Variants in CLRN1 observed in about 807,000 individuals in gnomAD.
The protein encoded by CLRN1 is clarin-1.
In CLRN1, 15 loss-of-function variants were observed where a neutral mutation model predicts 18.7. The observed-to-expected ratio is 0.80, with a 90% confidence interval of 0.54 to 1.23. CLRN1 has a LOEUF of 1.23. Among genes scored for constraint, CLRN1 ranks in the 50% most tolerant of loss-of-function variants. The probability of loss-of-function intolerance (pLI) is 0.00; values close to 1 mark genes in which losing one functional copy is unlikely to be tolerated. For synonymous variants in CLRN1, 104 were observed against 102.9 expected (o/e 1.01, Z -0.07); for missense variants, 311 against 277.5 (o/e 1.12, Z -0.86).
chr3:150,933,304 T>G (rs994414142), intron 2 of CLRN1, among the ~76,000 whole-genome samples: 2 of 152,074 alleles, frequency 1.3e-5, no homozygotes, highest in African/African-American at 4.8e-5. Flanking sequence ...AATAACTTGA[T>G]AAGTACATTC....
At chr3:150,933,330 TG>T (rs1027099461) in intron 2 of CLRN1, among the ~76,000 whole-genome samples, 1 of 151,538 alleles carries the variant, frequency 6.6e-6, no homozygotes, top group African/African-American at 2.4e-5. Flanking sequence ...TTTATCAGAG[TG>T]TGATATATAT....
intron 1 of CLRN1, among the ~76,000 whole-genome samples, chr3:150,952,690 G>A (rs1385112284): frequency 1.3e-5 from 2 of 151,998 alleles, no homozygotes; most frequent in Non-Finnish European, 2.9e-5. Context: ...TTAAAAAGAT[G>A]GCTACTTCAT....
At chr3:150,928,321 C>CA in intron 2 of CLRN1, 120 bp from the exon 3 acceptor site, 1 of 1,258,142 alleles carries the variant, frequency 7.9e-7, no homozygotes, top group African/African-American at 1.5e-5. Flanking sequence ...ATTATCCACA[C>CA]AAAAAATTAT....
intron 1 of CLRN1, among the ~76,000 whole-genome samples, chr3:150,948,646 A>G (rs1026944175): frequency 1.3e-5 from 2 of 152,150 alleles, no homozygotes; most frequent in East Asian, 3.8e-4. Context: ...ACACCTTCCC[A>G]AGACTGGACC....
At chr3:150,934,361 C>T (rs376058443) in intron 2 of CLRN1, among the ~76,000 whole-genome samples, 19 of 152,268 alleles carry the variant, frequency 1.2e-4, no homozygotes, top group African/African-American at 3.4e-4. Context: ...TGGCATAACT[C>T]ATAGCAGACA....
At chr3:150,957,302 C>T (rs907204059) in intron 1 of CLRN1, among the ~76,000 whole-genome samples, 1 of 151,750 alleles carries the variant, frequency 6.6e-6, no homozygotes, top group Non-Finnish European at 1.5e-5. Flanking sequence ...CCTTAGGGAT[C>T]CTGTGGCTAT....
chr3:150,929,519 A>G (rs979215209), intron 2 of CLRN1, among the ~76,000 whole-genome samples: 7 of 152,220 alleles, frequency 4.6e-5, no homozygotes, highest in African/African-American at 1.7e-4. Context: ...TTTACTTACT[A>G]TGTAAAAGTA....
At chr3:150,949,586 C>T (rs1033499709) in intron 1 of CLRN1, among the ~76,000 whole-genome samples, 3 of 152,102 alleles carry the variant, frequency 2.0e-5, no homozygotes, top group African/African-American at 7.2e-5. Flanking sequence ...AAAAGCAATC[C>T]CATTCACAAT....
At chr3:150,942,750 T>C (rs1713929847) in intron 1 of CLRN1, 1 of 288,672 alleles carries the variant, frequency 3.5e-6, no homozygotes, top group African/African-American at 2.4e-5. Context: ...ATGTGTCACT[T>C]CTCATTTAAG....
chr3:150,934,066 AC>A (rs2107937171), intron 2 of CLRN1, among the ~76,000 whole-genome samples: 1 of 152,264 alleles, frequency 6.6e-6, no homozygotes, highest in East Asian at 1.9e-4. Flanking sequence ...CTCCTGAAAA[AC>A]AGCTCCTTCA....
intron 2 of CLRN1, chr3:150,940,406 G>A: frequency 1.5e-6 from 2 of 1,348,440 alleles, no homozygotes; most frequent in Non-Finnish European, 2.0e-6. Context: ...TTTATAGAGA[G>A]AGAGATCTAT....
chr3:150,932,588 A>C (rs190689473), intron 2 of CLRN1, among the ~76,000 whole-genome samples: 6 of 152,348 alleles, frequency 3.9e-5, no homozygotes, highest in Non-Finnish European at 8.8e-5. Context: ...TAGAATGATA[A>C]ATTGATAATT....
intron 1 of CLRN1, among the ~76,000 whole-genome samples, chr3:150,971,756 T>C (rs78251744): frequency 0.065 from 9,905 of 152,264 alleles, 565 homozygotes; most frequent in East Asian, 0.15. Flanking sequence ...AAAAATTCTC[T>C]TCTTAAGATA....
Position 150,927,512 on chromosome 3 carries a change from G to A in CLRN1, c.*424C>T, listed in dbSNP as rs1249705925. ...TAATACACTACTGTTTTAGGAAAGC[G>A]ATTGCAGCTCAGTTTTCTGAAATCT... On this transcript the variant is annotated 3_prime_UTR_variant, in exon 3 of 3. Transcript: ENST00000327047. The A allele has an allele frequency of 2.2e-6, 1 of 454,656 alleles. No individual in the cohort carries two copies. Among genetic ancestry groups the A allele is most frequent in the East Asian group, 6.9e-5 (1 of 14,398 alleles). 28.2% of individuals were successfully genotyped at this position (454,656 alleles called of 1,614,324 possible).
chr3:150,956,992 A>G (rs1412355244), intron 1 of CLRN1, among the ~76,000 whole-genome samples: 2 of 141,160 alleles, frequency 1.4e-5, no homozygotes, highest in African/African-American at 2.6e-5. Context: ...AACTTGACAG[A>G]ACTCCATTGC....
intron 1 of CLRN1, chr3:150,943,863 C>A (rs376067383): frequency 2.4e-5 from 39 of 1,614,080 alleles, no homozygotes; most frequent in Non-Finnish European, 3.3e-5. Context: ...CTCCTCACAG[C>A]ACTAAAGCAG....
intron 1 of CLRN1, among the ~76,000 whole-genome samples, chr3:150,961,082 C>A (rs1398099904): frequency 1.3e-5 from 2 of 152,212 alleles, no homozygotes; most frequent in South Asian, 2.1e-4. Flanking sequence ...AAGCATAAGA[C>A]CTTCATGAAA....
intron 1 of CLRN1, among the ~76,000 whole-genome samples, chr3:150,953,217 T>G (rs534813245): frequency 6.6e-6 from 1 of 152,344 alleles, no homozygotes; most frequent in South Asian, 2.1e-4. Flanking sequence ...AGCAAGTCAC[T>G]TCTGGTCTCC....
intron 1 of CLRN1, among the ~76,000 whole-genome samples, chr3:150,954,199 T>C (rs941591909): frequency 2.6e-5 from 4 of 152,200 alleles, no homozygotes; most frequent in African/African-American, 9.6e-5. Flanking sequence ...TGTGTAACTA[T>C]AAGAAGCTGC....
Sources: allele counts gnomAD v4.1 joint callset (sites outside exome capture counted in the v4.1 genomes callset), GRCh38; gene constraint gnomAD v4.1.1; transcripts MANE v1.5; gene names NCBI Gene and HGNC (gene_info 2026-07-23, HGNC 2026-07-21).